The following HMG20A variants were observed in gnomAD, a reference collection of about 807,000 sequenced individuals.
HMG20A encodes high mobility group protein 20A.
In HMG20A, 17 loss-of-function variants were observed where a neutral mutation model predicts 43.9. The ratio of observed to expected loss-of-function variants is 0.39; its 90% CI spans 0.27 to 0.58. The LOEUF is 0.58. Ranked by LOEUF, HMG20A falls within the 20% of genes least tolerant of loss-of-function variation. The pLI is 0.59. For missense variants in HMG20A, 341 were observed against 438.2 expected (o/e 0.78, Z 1.98); for synonymous variants, 132 against 147.5 (o/e 0.89, Z 0.76).
intron 1 of HMG20A, among the ~76,000 whole-genome samples, chr15:77,429,421 A>G (rs533063512): frequency 6.6e-6 from 1 of 151,674 alleles, no homozygotes; most frequent in South Asian, 2.1e-4. Flanking sequence ...TTTTTCCCCC[A>G]TGTCCACATG....
chr15:77,463,921 T>A (rs1026253106), intron 2 of HMG20A, among the ~76,000 whole-genome samples: 49 of 152,228 alleles, frequency 3.2e-4, no homozygotes, highest in African/African-American at 1.1e-3. Flanking sequence ...AAAGGTAGCA[T>A]GTAAAAGTCA....
chr15:77,468,748 T>A lies in HMG20A; in HGVS notation c.450+1441T>A, dbSNP rs551278840. On this transcript the variant is annotated intron_variant, in intron 4 of 9. Transcript: ENST00000336216. Reference sequence around the variant, plus strand: ...GTGTATGTCAAAGAATATTTTCTTATATAACCATAGTGTAGTCATCAATTT... The same window carrying A: ...GTGTATGTCAAAGAATATTTTCTTAAATAACCATAGTGTAGTCATCAATTT... 2.0e-5 allele frequency among the ~76,000 whole-genome samples: 3 copies of A among 152,326 alleles called. No individual in the cohort carries two copies. The South Asian group carries it at 6.2e-4, about 32-fold the overall frequency.
chr15:77,519,443 C>T, the HMG20A span, among the ~76,000 whole-genome samples: 1 of 152,160 alleles, frequency 6.6e-6, no homozygotes, highest in Non-Finnish European at 1.5e-5. Context: ...CCAATATTCA[C>T]ATGTTAGAAC....
Position 77,483,981 on chromosome 15 carries a change from C to T in HMG20A, c.*1018C>T, listed in dbSNP as rs539169524. On this transcript the variant is annotated 3_prime_UTR_variant, in exon 10 of 10. Coordinates refer to ENST00000336216, the MANE Select transcript of HMG20A (RefSeq NM_001304504.2). The stretch of plus-strand genomic sequence containing the variant: ...CACAAAAAAAGCAAGGAAGAATTCT[C>T]ATGTCCTTTGTCTTCCTTCTGTAGC... 2 of 152,342 alleles carry T rather than the reference C, an allele frequency of 1.3e-5. No individual in the cohort carries two copies. Among genetic ancestry groups the T allele is most frequent in the South Asian group, 4.1e-4 (2 of 4,824 alleles). 9.4% of individuals were successfully genotyped at this position (152,342 alleles called of 1,614,324 possible).
At chr15:77,516,512 G>A in the HMG20A span, among the ~76,000 whole-genome samples, 1 of 152,142 alleles carries the variant, frequency 6.6e-6, no homozygotes, top group Admixed American at 6.5e-5. Flanking sequence ...CCTCTAGGAT[G>A]CGATGAGGTC....
At chr15:77,424,304 T>G (rs1262490413) in intron 1 of HMG20A, among the ~76,000 whole-genome samples, 4 of 152,170 alleles carry the variant, frequency 2.6e-5, no homozygotes, top group East Asian at 1.9e-4. Flanking sequence ...CATTCTAGCT[T>G]CTTTTGTATT....
At chr15:77,496,253 A>G in the HMG20A span, among the ~76,000 whole-genome samples, 1 of 152,266 alleles carries the variant, frequency 6.6e-6, no homozygotes, top group African/African-American at 2.4e-5. Flanking sequence ...CATTCTGTTC[A>G]TAAAAGAATG....
intron 6 of HMG20A, among the ~76,000 whole-genome samples, chr15:77,475,878 G>A (rs1417938640): frequency 6.6e-6 from 1 of 152,180 alleles, no homozygotes; most frequent in Non-Finnish European, 1.5e-5. Context: ...TCGAGGTAGA[G>A]CTTTGCATGT....
chr15:77,433,370 A>G (rs1415314975), intron 1 of HMG20A, among the ~76,000 whole-genome samples: 1 of 151,738 alleles, frequency 6.6e-6, no homozygotes, highest in Non-Finnish European at 1.5e-5. Context: ...AATTTCTTCA[A>G]AGAAAACCAG....
At chr15:77,436,623 T>C (rs540333553) in intron 1 of HMG20A, among the ~76,000 whole-genome samples, 85 of 152,144 alleles carry the variant, frequency 5.6e-4, no homozygotes, top group Non-Finnish European at 1.0e-3. Context: ...CATGCCCAGC[T>C]AATTTTTGTA....
chr15:77,517,970 T>C, the HMG20A span, among the ~76,000 whole-genome samples: 4 of 151,890 alleles, frequency 2.6e-5, no homozygotes, highest in African/African-American at 9.7e-5. Flanking sequence ...AAATATTGAA[T>C]GTCGGATACT....
At chr15:77,428,909 G>T (rs1354550463) in intron 1 of HMG20A, among the ~76,000 whole-genome samples, 2 of 151,358 alleles carry the variant, frequency 1.3e-5, no homozygotes, top group African/African-American at 2.4e-5. Context: ...AAGGCTGTGA[G>T]CTGTTATCGA....
At position 77,467,229 on chromosome 15, in the gene HMG20A, G is replaced by A. The variant is rs370143258; in HGVS notation, c.372G>A (p.Lys124=). 6 of 1,614,030 alleles carry A rather than the reference G, an allele frequency of 3.7e-6. No individual in the cohort carries two copies. Among genetic ancestry groups the A allele is most frequent in the Non-Finnish European group, 4.2e-6 (5 of 1,180,024 alleles). The change falls in exon 4 of 10, where the codon AAG becomes AAA. Residue 124 remains lysine (K), a synonymous_variant. Transcript: ENST00000336216. ...AGCGTCGAGAACAACTTCGAGCAAA[G>A]AGACCAGAAGTCCCATTTCCAGAAA... ...MNERREQLRA[K]RPEVPFPEIT... is the part of the protein sequence containing the mutation.
At chr15:77,505,958 G>A in the HMG20A span, among the ~76,000 whole-genome samples, 9 of 151,556 alleles carry the variant, frequency 5.9e-5, no homozygotes, top group Non-Finnish European at 1.2e-4. Flanking sequence ...AGCCCTTCTG[G>A]AATTGGGAGC....
intron 3 of HMG20A, 91 bp from the exon 4 acceptor site, chr15:77,467,004 G>A (rs1334793352): frequency 2.8e-6 from 3 of 1,055,108 alleles, no homozygotes; most frequent in Non-Finnish European, 4.2e-6. Flanking sequence ...ATCCTGTTTT[G>A]TTTGTTGTTG....
chr15:77,461,873 A>G (rs1336251354), intron 2 of HMG20A, among the ~76,000 whole-genome samples: 1 of 152,254 alleles, frequency 6.6e-6, no homozygotes, highest in African/African-American at 2.4e-5. Flanking sequence ...ACACATCTAA[A>G]ATGATTGAAA....
rs181338880 is a variant in HMG20A at position 77,421,282 on chromosome 15, G to A, written c.-5+278G>A. On this transcript the variant is annotated intron_variant, in intron 1 of 9. Transcript: ENST00000336216. ...AAGGTGGTGCTTGGTGCCATTCGCG[G>A]AGACATTATCTTGCAGCTTGGGGAT... Among the ~76,000 whole-genome samples, 363 of 152,310 alleles carry A rather than the reference G, an allele frequency of 2.4e-3. 3 individuals carry two copies. Among genetic ancestry groups the A allele is most frequent in the African/African-American group, 8.1e-3 (337 of 41,552 alleles).
chr15:77,519,830 C>T, the HMG20A span, among the ~76,000 whole-genome samples: 1 of 152,158 alleles, frequency 6.6e-6, no homozygotes, highest in Non-Finnish European at 1.5e-5. Context: ...ATTCCAAGGC[C>T]AGAGCCAAGG....
the HMG20A span, among the ~76,000 whole-genome samples, chr15:77,491,599 T>C: frequency 2.0e-5 from 3 of 152,146 alleles, no homozygotes; most frequent in Non-Finnish European, 2.9e-5. Context: ...AAAAAATAGA[T>C]ACAAAAGCTA....
Sources: allele counts gnomAD v4.1 joint callset (sites outside exome capture counted in the v4.1 genomes callset), GRCh38; gene constraint gnomAD v4.1.1; transcripts MANE v1.5; gene names NCBI Gene and HGNC (gene_info 2026-07-23, HGNC 2026-07-21).